GARIN3: variants seen among roughly 807,000 people sequenced by gnomAD.
The protein encoded by GARIN3 is golgi associated RAB2 interactor family member 3, also known as Golgi-associated RAB2 interactor protein 3.
the GARIN3 span, chr5:157,163,520 A>T: frequency 1.2e-6 from 2 of 1,614,094 alleles, no homozygotes; most frequent in Non-Finnish European, 8.5e-7. Flanking sequence ...GTGGATGGAG[A>T]AGCCGCACTA....
At chr5:157,162,639 C>T in the GARIN3 span, 1 of 1,614,026 alleles carries the variant, frequency 6.2e-7, no homozygotes, top group Non-Finnish European at 8.5e-7. Flanking sequence ...CAGGAGTGGC[C>T]CTGAGGCTCC....
chr5:157,163,076 G>A, the GARIN3 span: 4 of 1,614,240 alleles, frequency 2.5e-6, no homozygotes, highest in Admixed American at 5.0e-5. Flanking sequence ...GAGATGAGGG[G>A]TCCCACTGCT....
the GARIN3 span, chr5:157,162,837 C>G: frequency 6.2e-7 from 1 of 1,614,160 alleles, no homozygotes; most frequent in East Asian, 2.2e-5. Context: ...TGTCATCTCT[C>G]GTGTTTTTAT....
the GARIN3 span, chr5:157,163,483 C>T: frequency 2.6e-5 from 42 of 1,614,098 alleles, no homozygotes; most frequent in Non-Finnish European, 3.5e-5. Flanking sequence ...CCTTGCTGCT[C>T]CTCCTTCAGC....
the GARIN3 span, chr5:157,162,535 G>A: frequency 3.7e-6 from 6 of 1,614,098 alleles, no homozygotes; most frequent in Non-Finnish European, 5.1e-6. Context: ...GCCACCCTGG[G>A]CTTTCTCCAC....
At chr5:157,162,862 C>T in the GARIN3 span, 55 of 1,614,046 alleles carry the variant, frequency 3.4e-5, no homozygotes, top group Middle Eastern at 1.6e-4. Context: ...AGATGCGGAC[C>T]GGTGGGAAGA....
chr5:157,166,034 T>C, the GARIN3 span: 3 of 1,614,198 alleles, frequency 1.9e-6, no homozygotes, highest in African/African-American at 1.3e-5. Context: ...TCTCGAACAT[T>C]GGTGCATACT....
the GARIN3 span, chr5:157,166,073 C>T: frequency 1.2e-6 from 2 of 1,614,172 alleles, no homozygotes; most frequent in Non-Finnish European, 1.7e-6. Flanking sequence ...CTCTGTTGTA[C>T]AATTGTCGTT....
the GARIN3 span, among the ~76,000 whole-genome samples, chr5:157,164,732 A>G: frequency 6.6e-6 from 1 of 152,194 alleles, no homozygotes; most frequent in Non-Finnish European, 1.5e-5. Flanking sequence ...TGACACAGAA[A>G]TCAGTGCCTG....
chr5:157,164,371 C>A, the GARIN3 span, among the ~76,000 whole-genome samples: 1 of 151,724 alleles, frequency 6.6e-6, no homozygotes, highest in Non-Finnish European at 1.5e-5. Context: ...AGGCTGGTGT[C>A]GATCTCCTGA....
the GARIN3 span, chr5:157,163,607 G>C: frequency 6.2e-7 from 1 of 1,614,086 alleles, no homozygotes; most frequent in Non-Finnish European, 8.5e-7. Context: ...ACATCACAAG[G>C]CTTGTAGAGC....
the GARIN3 span, chr5:157,162,998 C>T: frequency 1.9e-6 from 3 of 1,614,234 alleles, no homozygotes; most frequent in Non-Finnish European, 2.5e-6. Flanking sequence ...TTCCAGACTT[C>T]AGCACTGGGC....
the GARIN3 span, chr5:157,163,606 G>A: frequency 1.2e-6 from 2 of 1,614,086 alleles, no homozygotes; most frequent in Admixed American, 1.7e-5. Context: ...TACATCACAA[G>A]GCTTGTAGAG....
the GARIN3 span, among the ~76,000 whole-genome samples, chr5:157,164,484 G>A: frequency 6.6e-6 from 1 of 152,180 alleles, no homozygotes; most frequent in Non-Finnish European, 1.5e-5. Flanking sequence ...TTCTTGCCAA[G>A]TTCCATCTAC....
the GARIN3 span, chr5:157,166,224 G>C: frequency 7.1e-6 from 11 of 1,558,542 alleles, no homozygotes; most frequent in East Asian, 2.0e-4. Context: ...CCGAGAGAGA[G>C]ACGGAGAGAA....
At chr5:157,166,206 T>C in the GARIN3 span, 3 of 1,581,290 alleles carry the variant, frequency 1.9e-6, 1 homozygote, top group South Asian at 2.4e-5. Context: ...CAGCCACAAA[T>C]AGAGTCCCCG....
chr5:157,163,140 C>T, the GARIN3 span: 70 of 1,614,050 alleles, frequency 4.3e-5, 2 homozygotes, highest in South Asian at 4.7e-4. Flanking sequence ...TGCCTGCAAA[C>T]GCCGCACTCA....
the GARIN3 span, chr5:157,165,818 T>C: frequency 3.7e-6 from 6 of 1,614,052 alleles, no homozygotes; most frequent in South Asian, 4.4e-5. Flanking sequence ...TCGTGAGCTC[T>C]AGAGTCTTGA....
the GARIN3 span, chr5:157,165,513 T>A: frequency 6.4e-7 from 1 of 1,551,494 alleles, no homozygotes. Context: ...GGCTTTGAAC[T>A]GCTCCCCCAA....
Sources: allele counts gnomAD v4.1 joint callset (sites outside exome capture counted in the v4.1 genomes callset), GRCh38; gene constraint gnomAD v4.1.1; transcripts MANE v1.5; gene names NCBI Gene and HGNC (gene_info 2026-07-23, HGNC 2026-07-21).